CCSER1: variants seen among roughly 807,000 people sequenced by gnomAD.
CCSER1 encodes serine-rich coiled-coil domain-containing protein 1.
A neutral mutation model predicts 82.0 loss-of-function variants in CCSER1; 41 were observed. The ratio of observed to expected loss-of-function variants is 0.50; its 90% confidence interval spans 0.39 to 0.65. CCSER1 has a LOEUF of 0.65. Among genes scored for constraint, CCSER1 ranks in the 30% least tolerant of loss-of-function variants. The pLI, the probability that CCSER1 is intolerant of heterozygous loss-of-function variation, is 0.00. For missense variants in CCSER1, 1,119 were observed against 1,064.2 expected, an observed-to-expected ratio of 1.05 and a Z score of -0.72; for synonymous variants, 414 against 383.9, an observed-to-expected ratio of 1.08 and a Z score of -0.92.
intron 9 of CCSER1, among the ~76,000 whole-genome samples, chr4:90,980,850 T>C (rs1187760563): frequency 6.6e-6 from 1 of 151,702 alleles, no homozygotes; most frequent in African/African-American, 2.4e-5. Flanking sequence ...TATTAAGAGG[T>C]GAATACTCGA....
intron 10 of CCSER1, among the ~76,000 whole-genome samples, chr4:91,474,475 T>C (rs892001719): frequency 6.6e-6 from 1 of 151,772 alleles, no homozygotes; most frequent in African/African-American, 2.4e-5. Flanking sequence ...TTAATTCAAA[T>C]CATTCTATTC....
At chr4:90,899,656 T>A (rs562067734) in intron 8 of CCSER1, among the ~76,000 whole-genome samples, 1 of 152,206 alleles carries the variant, frequency 6.6e-6, no homozygotes, top group African/African-American at 2.4e-5. Context: ...GTTTTTATCA[T>A]GAAAGGATGT....
chr4:90,763,758 T>C lies in CCSER1; in HGVS notation c.2010+39767T>C, dbSNP rs551549847. Among the ~76,000 whole-genome samples, 10 of 152,242 alleles carry C rather than the reference T, an allele frequency of 6.6e-5. No homozygotes were observed. The East Asian group carries it at 1.9e-3, about 29-fold the overall frequency. ...AAGTCAAGAGTGAACAAGGTAGCTC[T>C]TCCTCACTGAGTCTTTGCCCTCTCC... On this transcript the variant is annotated intron_variant, in intron 7 of 10. Transcript: ENST00000509176.
chr4:90,985,920 TTTG>T (rs1340172632), intron 9 of CCSER1, among the ~76,000 whole-genome samples: 2 of 151,764 alleles, frequency 1.3e-5, no homozygotes, highest in African/African-American at 4.8e-5. Context: ...CAGTGTAGGA[TTTG>T]TTTTTTATTC....
chr4:90,157,993 A>G (rs978169812), intron 1 of CCSER1, among the ~76,000 whole-genome samples: 1 of 151,986 alleles, frequency 6.6e-6, no homozygotes, highest in African/African-American at 2.4e-5. Context: ...TTTTTCCCCC[A>G]TCTTTGTGGT....
At chr4:91,107,133 A>G (rs1461322392) in intron 10 of CCSER1, among the ~76,000 whole-genome samples, 1 of 152,204 alleles carries the variant, frequency 6.6e-6, no homozygotes, top group Non-Finnish European at 1.5e-5. Flanking sequence ...CATGCTGTAC[A>G]TGTTTGTAGC....
At chr4:90,603,112 G>A (rs955080275) in intron 5 of CCSER1, among the ~76,000 whole-genome samples, 9 of 152,224 alleles carry the variant, frequency 5.9e-5, no homozygotes, top group South Asian at 2.1e-4. Context: ...TAGAAGTATC[G>A]GTTACTTCTT....
chr4:90,815,973 C>G, intron 8 of CCSER1, 128 bp downstream of exon 8: 1 of 541,092 alleles, frequency 1.8e-6, no homozygotes, highest in Non-Finnish European at 3.2e-6. Flanking sequence ...ATCCAATGAT[C>G]AGTTTTTATA....
chr4:91,079,568 C>A (rs1312982021), intron 9 of CCSER1, among the ~76,000 whole-genome samples: 4 of 152,136 alleles, frequency 2.6e-5, no homozygotes, highest in Admixed American at 6.5e-5. Context: ...TCACACATAA[C>A]AATATGAATC....
intron 5 of CCSER1, among the ~76,000 whole-genome samples, chr4:90,559,778 C>T (rs1778526476): frequency 7.0e-6 from 1 of 142,482 alleles, no homozygotes; most frequent in Non-Finnish European, 1.5e-5. Flanking sequence ...CCACTGCACT[C>T]CAGCCTGGGA....
At chr4:91,334,538 TCACACACA>T (rs1392802670) in intron 10 of CCSER1, among the ~76,000 whole-genome samples, 1 of 151,566 alleles carries the variant, frequency 6.6e-6, no homozygotes, top group South Asian at 2.1e-4. Flanking sequence ...AAACACACAC[TCACACACA>T]CACATTCACT....
At chr4:90,977,248 G>T (rs1027175484) in intron 9 of CCSER1, among the ~76,000 whole-genome samples, 1 of 151,486 alleles carries the variant, frequency 6.6e-6, no homozygotes, top group African/African-American at 2.4e-5. Context: ...TTTGGAGATT[G>T]TTCCAGCCCT....
intron 10 of CCSER1, among the ~76,000 whole-genome samples, chr4:91,179,848 G>A (rs987418204): frequency 2.0e-5 from 3 of 152,308 alleles, no homozygotes; most frequent in South Asian, 4.1e-4. Flanking sequence ...TTCCATTGCT[G>A]GCGAGGAGCT....
rs1211052064 is a variant in CCSER1 at position 91,534,838 on chromosome 4, G to C, written c.2218-63734G>C. ...TCAAGAAAATGTGCTCAATCAATAAGTGAAATTATGAATGAAAGACTGAAA... is the reference window on the plus strand; with the variant it reads ...TCAAGAAAATGTGCTCAATCAATAACTGAAATTATGAATGAAAGACTGAAA... On this transcript the variant is annotated intron_variant, in intron 10 of 10. Coordinates refer to ENST00000509176, the MANE Select transcript of CCSER1 (RefSeq NM_001145065.2). 3.3e-5 allele frequency among the ~76,000 whole-genome samples: 5 copies of C among 151,742 alleles called. No homozygotes were observed. In the East Asian group the frequency reaches 9.7e-4, roughly 29 times the overall value.
At chr4:90,968,505 C>A (rs553717097) in intron 9 of CCSER1, among the ~76,000 whole-genome samples, 28 of 152,154 alleles carry the variant, frequency 1.8e-4, no homozygotes, top group Non-Finnish European at 3.2e-4. Flanking sequence ...TCAGAGCAAA[C>A]TGCCCTAGGG....
chr4:91,581,618 G>T (rs1281868826), intron 10 of CCSER1, among the ~76,000 whole-genome samples: 1 of 151,638 alleles, frequency 6.6e-6, no homozygotes, highest in Non-Finnish European at 1.5e-5. Flanking sequence ...GATTTAACCT[G>T]AATTGTGAAT....
chr4:90,562,841 CTT>C (rs535276224), intron 5 of CCSER1, among the ~76,000 whole-genome samples: 18 of 133,440 alleles, frequency 1.3e-4, no homozygotes, highest in African/African-American at 4.8e-4. Flanking sequence ...CCCAGCCTCC[CTT>C]TTTTTTTTTA....
intron 10 of CCSER1, among the ~76,000 whole-genome samples, chr4:91,100,257 A>G (rs921634150): frequency 1.3e-5 from 2 of 152,178 alleles, no homozygotes; most frequent in Admixed American, 6.5e-5. Context: ...ACATTACAAG[A>G]CCATAATAAT....
In CCSER1 at chr4:91,411,400, T is replaced by C. The variant is rs567138330; in HGVS notation, c.2218-187172T>C. ...GTTGCTCAGTATTTCTAACCTATTC[T>C]GCAAGGGTTTTGAATGCCTTAATTT... On this transcript the variant is annotated intron_variant, in intron 10 of 10. Transcript: ENST00000509176. Among the ~76,000 whole-genome samples, 11 of 149,480 alleles carry C rather than the reference T, an allele frequency of 7.4e-5. No homozygotes were observed. In the South Asian group the frequency reaches 2.3e-3, roughly 32 times the overall value.
Sources: allele counts gnomAD v4.1 joint callset (sites outside exome capture counted in the v4.1 genomes callset), GRCh38; gene constraint gnomAD v4.1.1; transcripts MANE v1.5; gene names NCBI Gene and HGNC (gene_info 2026-07-23, HGNC 2026-07-21).